Variants in NCOA1 observed in about 807,000 individuals in gnomAD.
NCOA1 encodes the protein Hin-2 protein.
Under a neutral mutation model 150.9 loss-of-function variants are expected in NCOA1, and 35 were observed. The observed-to-expected ratio is 0.23, with a 90% CI of 0.18 to 0.31. NCOA1 has a LOEUF of 0.31. Ranked by LOEUF, NCOA1 falls within the 10% of genes least tolerant of loss-of-function variation. The pLI is 1.00. For synonymous variants in NCOA1, 590 were observed against 630.0 expected (o/e 0.94, Z 0.95); for missense variants, 1,491 against 1,749.3 (o/e 0.85, Z 2.63).
chr2:24,656,230 T>C (rs1000711491), intron 4 of NCOA1, among the ~76,000 whole-genome samples: 1 of 152,222 alleles, frequency 6.6e-6, no homozygotes, highest in Non-Finnish European at 1.5e-5. Flanking sequence ...AGAGAGACTT[T>C]GCCCAAGGAC....
chr2:24,740,278 A>G (rs2148660891), intron 18 of NCOA1, among the ~76,000 whole-genome samples: 1 of 152,324 alleles, frequency 6.6e-6, no homozygotes, highest in Admixed American at 6.5e-5. Context: ...ACTTAAAGAC[A>G]GGGATATGTT....
At position 24,763,683 on chromosome 2, in the gene NCOA1, T is replaced by C. The variant is rs536192663; in HGVS notation, c.4155+907T>C. ...TTGCCCAGGCTGGAGTGAAGTGGCG[T>C]GATCTTGGCTCACTGCAACCTGCGC... On this transcript the variant is annotated intron_variant, in intron 22 of 22. Coordinates refer to ENST00000348332, the MANE Select transcript of NCOA1 (RefSeq NM_003743.5). Among the ~76,000 whole-genome samples, 13 of 130,310 alleles carry C rather than the reference T, an allele frequency of 1.0e-4. 1 individual carries two copies. In the South Asian group the frequency reaches 3.6e-3, roughly 37 times the overall value. 85.5% of individuals were successfully genotyped at this position (130,310 alleles called of 152,430 possible). A position where few individuals can be genotyped will look rare whatever the true frequency, so the allele number is the denominator to read the frequency against.
chr2:24,661,527 G>C (rs1671183614), intron 5 of NCOA1, among the ~76,000 whole-genome samples: 1 of 151,880 alleles, frequency 6.6e-6, no homozygotes, highest in Non-Finnish European at 1.5e-5. Context: ...GCTTTTTAGG[G>C]TCTTGTTTAA....
intron 3 of NCOA1, among the ~76,000 whole-genome samples, chr2:24,639,166 T>A (rs529120321): frequency 1.3e-5 from 2 of 152,138 alleles, no homozygotes; most frequent in Non-Finnish European, 2.9e-5. Flanking sequence ...ATTACTTCCT[T>A]AAATGTTGGA....
chr2:24,683,043 G>A lies in NCOA1; in HGVS notation c.447G>A (p.Glu149=), dbSNP rs768402275. The A allele has an allele frequency of 3.1e-6, 5 of 1,610,036 alleles. No homozygotes were observed. Among genetic ancestry groups the A allele is most frequent in the Middle Eastern group, 1.6e-4 (1 of 6,076 alleles). ...CCAGCTACTTAGGTTACAATCAGGA[G>A]GAATTAATGAATACGAGCGTCTACA... ...NVTSYLGYNQ[E]ELMNTSVYSI... The change falls in exon 8 of 23, where the codon GAG becomes GAA. Residue 149 remains glutamate, a synonymous_variant. Transcript: ENST00000348332.
intron 1 of NCOA1, among the ~76,000 whole-genome samples, chr2:24,524,179 A>G (rs1159950466): frequency 6.6e-6 from 1 of 152,230 alleles, no homozygotes; most frequent in Admixed American, 6.5e-5. Context: ...AGGCAAATAC[A>G]TGTTTTTCAG....
At chr2:24,700,001 C>T (rs183586955) in intron 11 of NCOA1, among the ~76,000 whole-genome samples, 53 of 152,018 alleles carry the variant, frequency 3.5e-4, no homozygotes, top group Admixed American at 9.8e-4. Context: ...AAAATTAGCG[C>T]GCATGGTGGC....
intron 14 of NCOA1, among the ~76,000 whole-genome samples, chr2:24,725,558 C>T (rs1558317325): frequency 6.6e-6 from 1 of 151,994 alleles, no homozygotes; most frequent in Non-Finnish European, 1.5e-5. Context: ...TCTGAGATAC[C>T]AGGGGTTAGG....
At position 24,593,429 on chromosome 2, in the gene NCOA1, T is replaced by G. The variant is rs75526520; in HGVS notation, c.-175+8869T>G. On this transcript the variant is annotated intron_variant, in intron 3 of 22. Coordinates refer to ENST00000348332, the MANE Select transcript of NCOA1 (RefSeq NM_003743.5). Reference sequence around the variant, plus strand: ...ATTTGGATGAGAGTAGTGGGTCTTCTGGGCCTTTCTTTATCGAAAGTCTAA... The same window carrying G: ...ATTTGGATGAGAGTAGTGGGTCTTCGGGGCCTTTCTTTATCGAAAGTCTAA... Among the ~76,000 whole-genome samples the G allele has an allele frequency of 4.9e-3, 750 of 152,266 alleles. 3 individuals are homozygous for G. The highest frequency in any genetic ancestry group is 4.7e-3 in the Non-Finnish European group (317 of 67,998).
At chr2:24,682,385 T>G (rs1468630708) in intron 7 of NCOA1, among the ~76,000 whole-genome samples, 1 of 152,184 alleles carries the variant, frequency 6.6e-6, no homozygotes, top group Non-Finnish European at 1.5e-5. Context: ...CTTTATTATG[T>G]TTTAGATTAC....
chr2:24,502,966 C>T (rs1180618448), intron 1 of NCOA1, among the ~76,000 whole-genome samples: 1 of 152,042 alleles, frequency 6.6e-6, no homozygotes, highest in Non-Finnish European at 1.5e-5. Context: ...TTTGTGTGTC[C>T]TGTCTCCTGT....
At chr2:24,502,198 G>A (rs142170169) in intron 1 of NCOA1, among the ~76,000 whole-genome samples, 1 of 152,082 alleles carries the variant, frequency 6.6e-6, no homozygotes, top group Non-Finnish European at 1.5e-5. Context: ...AATTCACTTC[G>A]CTTCAAGTAT....
chr2:24,727,521 G>A (rs368133369), intron 15 of NCOA1, among the ~76,000 whole-genome samples: 6 of 152,242 alleles, frequency 3.9e-5, no homozygotes, highest in Middle Eastern at 3.4e-3. Flanking sequence ...ATTCCATAAC[G>A]CAGGCTGCGT....
chr2:24,685,526 A>G (rs1249486154), intron 8 of NCOA1, among the ~76,000 whole-genome samples: 1 of 152,236 alleles, frequency 6.6e-6, no homozygotes, highest in Non-Finnish European at 1.5e-5. Flanking sequence ...GCAAGTCGTT[A>G]TAAATTCATA....
In NCOA1 at chr2:24,729,661, C is replaced by T; in HGVS notation, c.3047C>T (p.Pro1016Leu). The T allele has an allele frequency of 4.3e-6, 7 of 1,614,150 alleles. No individual in the cohort carries two copies. Among genetic ancestry groups the T allele is most frequent in the Non-Finnish European group, 5.9e-6 (7 of 1,180,028 alleles). ...TTCCAAGGCATGGTCAGGCAAAAAC[C>T]TTCACTGGGGACGATGCCTGTTCAA... ...SPFQGMVRQK[P>L]SLGTMPVQVT... is the part of the protein sequence containing the mutation. Residue 1016 changes from proline (P) to leucine (L), a missense_variant, in exon 17 of 23, where the codon CCT (proline) becomes CTT (leucine). This residue lies in a region of NCOA1 where 485 missense variants were observed against 522.8 expected (regional missense o/e 0.93). Transcript: ENST00000348332.
chr2:24,520,565 C>G (rs142508387), intron 1 of NCOA1, among the ~76,000 whole-genome samples: 149 of 152,206 alleles, frequency 9.8e-4, no homozygotes, highest in Admixed American at 3.5e-3. Context: ...TGAAAGAGTG[C>G]AGTTCAGTGC....
chr2:24,630,068 A>T (rs1395094175), intron 3 of NCOA1, among the ~76,000 whole-genome samples: 1 of 151,738 alleles, frequency 6.6e-6, no homozygotes, highest in Admixed American at 6.6e-5. Context: ...GATGGTCTCG[A>T]TCTCCTGACC....
intron 2 of NCOA1, among the ~76,000 whole-genome samples, chr2:24,578,091 AT>A (rs1013428820): frequency 2.6e-5 from 4 of 152,136 alleles, no homozygotes; most frequent in Non-Finnish European, 5.9e-5. Flanking sequence ...ATTTTTTTGG[AT>A]TTTATTTCTG....
At chr2:24,554,891 T>C (rs1191990624) in intron 1 of NCOA1, among the ~76,000 whole-genome samples, 1 of 152,202 alleles carries the variant, frequency 6.6e-6, no homozygotes, top group Non-Finnish European at 1.5e-5. Flanking sequence ...AGTCCGCTTC[T>C]CTACTTACCG....
Sources: gnomAD v4.1 joint callset for allele counts (sites outside exome capture counted in the v4.1 genomes callset) on GRCh38, gnomAD v4.1.1 for gene constraint, gnomAD v4.1.1 regional missense constraint, MANE v1.5 for transcripts, NCBI Gene and HGNC (gene_info 2026-07-23, HGNC 2026-07-21) for gene names.